The following CDH23 variants were observed in gnomAD, a reference collection of about 807,000 sequenced individuals.
CDH23 encodes cadherin related 23.
Under a neutral mutation model 317.1 loss-of-function variants are expected in CDH23, and 189 were observed. That is an observed-to-expected ratio of 0.60 (90% confidence interval 0.53 to 0.67). CDH23 has a LOEUF of 0.67. CDH23 is among the 30% of genes least tolerant of loss of function. The probability of loss-of-function intolerance (pLI) is 0.00; values close to 1 mark genes in which losing one functional copy is unlikely to be tolerated. For missense variants in CDH23, 4,401 were observed against 4,592.4 expected (o/e 0.96, Z 1.20); for synonymous variants, 1,839 against 1,876.8 (o/e 0.98, Z 0.52).
At chr10:71,427,280 G>A (rs1462856554) in intron 1 of CDH23, among the ~76,000 whole-genome samples, 1 of 140,992 alleles carries the variant, frequency 7.1e-6, no homozygotes, top group Non-Finnish European at 1.5e-5. Flanking sequence ...AAAGAAGAAA[G>A]CAAGCAAGCC....
chr10:71,402,356 T>G (rs945712889), intron 1 of CDH23, among the ~76,000 whole-genome samples: 1 of 152,340 alleles, frequency 6.6e-6, no homozygotes, highest in Admixed American at 6.5e-5. Flanking sequence ...TCATAATGCA[T>G]TCACTTCGTG....
At chr10:71,713,940 A>G (rs192688703) in intron 28 of CDH23, 55 of 153,118 alleles carry the variant, frequency 3.6e-4, no homozygotes, top group African/African-American at 1.3e-3. Context: ...GGAGGAAGGA[A>G]CAAAACCCTT....
chr10:71,682,090 T>C (rs1227096), intron 17 of CDH23, among the ~76,000 whole-genome samples: 47,615 of 151,968 alleles, frequency 0.31, 8,044 homozygotes, highest in South Asian at 0.45. Context: ...GAGCACCTAC[T>C]AAGAAAGAGC....
chr10:71,722,128 A>G (rs1866585920), intron 28 of CDH23, among the ~76,000 whole-genome samples: 1 of 152,198 alleles, frequency 6.6e-6, no homozygotes, highest in African/African-American at 2.4e-5. Context: ...GGTGGCAAGA[A>G]AGAAAATCCA....
At chr10:71,774,838 C>A (rs1175120241) in intron 38 of CDH23, among the ~76,000 whole-genome samples, 1 of 152,172 alleles carries the variant, frequency 6.6e-6, no homozygotes, top group East Asian at 1.9e-4. Context: ...GGGTCAGGAA[C>A]CAGGGTATCA....
At chr10:71,501,008 C>T (rs149186614) in intron 3 of CDH23, among the ~76,000 whole-genome samples, 7 of 152,160 alleles carry the variant, frequency 4.6e-5, no homozygotes, top group African/African-American at 1.7e-4. Flanking sequence ...GCTGGGATTA[C>T]AGGCCTGTGA....
chr10:71,399,056 A>G (rs1847666594), intron 1 of CDH23, among the ~76,000 whole-genome samples: 1 of 152,198 alleles, frequency 6.6e-6, no homozygotes, highest in African/African-American at 2.4e-5. Flanking sequence ...CCTCTGGAAT[A>G]GCTCCCCCAC....
intron 3 of CDH23, chr10:71,509,836 C>G: frequency 1.9e-6 from 1 of 535,570 alleles, no homozygotes; most frequent in South Asian, 2.3e-5. Flanking sequence ...CTTTTACACA[C>G]TCAGAACATG....
At chr10:71,806,657 G>A (rs1274693060) in intron 57 of CDH23, among the ~76,000 whole-genome samples, 8 of 150,080 alleles carry the variant, frequency 5.3e-5, no homozygotes, top group Non-Finnish European at 4.4e-5. Context: ...TTGACTCACT[G>A]CAACCTCCAC....
intron 6 of CDH23, among the ~76,000 whole-genome samples, chr10:71,534,128 C>T (rs139249477): frequency 1.1e-3 from 163 of 152,316 alleles, no homozygotes; most frequent in Non-Finnish European, 1.9e-3. Context: ...CTTGTCCCCA[C>T]CCTGGATACA....
chr10:71,482,728 C>G (rs757648894), intron 3 of CDH23, among the ~76,000 whole-genome samples: 2 of 152,154 alleles, frequency 1.3e-5, no homozygotes, highest in Non-Finnish European at 2.9e-5. Flanking sequence ...AAGCCGAGTG[C>G]GAATGGAGAC....
intron 33 of CDH23, 47 bp downstream of exon 33, chr10:71,734,388 G>A (rs1343082087): frequency 6.4e-7 from 1 of 1,556,964 alleles, no homozygotes; most frequent in African/African-American, 1.4e-5. Context: ...CCCATCGCTG[G>A]CCATGACACT....
intron 8 of CDH23, among the ~76,000 whole-genome samples, chr10:71,571,349 C>T (rs1014402812): frequency 1.3e-5 from 2 of 152,218 alleles, no homozygotes; most frequent in Admixed American, 1.3e-4. Flanking sequence ...TGGCAGCTGC[C>T]CTTCTTCAAG....
rs370947344 is a variant in CDH23 at position 71,566,758 on chromosome 10, C to T, written c.446C>T (p.Thr149Met). 3.6e-5 allele frequency: 58 copies of T among 1,605,896 alleles called. No homozygotes were observed. Among genetic ancestry groups the T allele is most frequent in the East Asian group, 2.0e-4 (9 of 44,742 alleles). ...CATCCCCAGAATACACCAGTGGGGA[C>T]GCCCATCTTCATCGTGAATGCCACA... Reference protein sequence around the residue: ...VRIPENTPVGTPIFIVNATDP... With the variant: ...VRIPENTPVGMPIFIVNATDP... Residue 149 changes from threonine (T) to methionine (M), a missense_variant, in exon 7 of 70, where the codon ACG (threonine) becomes ATG (methionine). This residue lies in a region of CDH23 where 3,068 missense variants were observed against 3,203.3 expected (regional missense o/e 0.96). Transcript: ENST00000224721.
At chr10:71,461,419 T>C (rs1050089275) in intron 3 of CDH23, among the ~76,000 whole-genome samples, 1 of 152,222 alleles carries the variant, frequency 6.6e-6, no homozygotes, top group African/African-American at 2.4e-5. Context: ...GTGACAGCCT[T>C]AGGCTGGGGA....
At position 71,799,276 on chromosome 10, in the gene CDH23, A is replaced by G. The variant is rs763148706; in HGVS notation, c.7220A>G (p.Tyr2407Cys). 6.2e-7 allele frequency: 1 copy of G among 1,613,970 alleles called. No individual in the cohort carries two copies. The highest frequency in any genetic ancestry group is 8.5e-7 in the Non-Finnish European group (1 of 1,179,848). ...AACCCCATCTTTGACCAGCCCTCCTACCAGGTGGGTGGCCAGGCCACAGGC... is the reference window on the plus strand; with the variant it reads ...AACCCCATCTTTGACCAGCCCTCCTGCCAGGTGGGTGGCCAGGCCACAGGC... ...DNNPIFDQPSYQEAVFEDVPV... is the reference protein window; with the variant it reads ...DNNPIFDQPSCQEAVFEDVPV... The change falls in exon 51 of 70, where the codon TAC becomes TGC. Residue 2407 changes from tyrosine (Y) to cysteine (C), a missense_variant. Around this residue, in one of 3 missense-constraint regions of CDH23, gnomAD observed 189 missense variants for 250.9 expected, o/e 0.75. Transcript: ENST00000224721.
chr10:71,421,550 C>T (rs1848817805), intron 1 of CDH23, among the ~76,000 whole-genome samples: 1 of 151,896 alleles, frequency 6.6e-6, no homozygotes, highest in African/African-American at 2.4e-5. Flanking sequence ...AAATACAAAA[C>T]TCATTAGATT....
chr10:71,633,915 T>G (rs1190513918), intron 11 of CDH23, among the ~76,000 whole-genome samples: 1 of 152,170 alleles, frequency 6.6e-6, no homozygotes, highest in Non-Finnish European at 1.5e-5. Context: ...GCAGACTCAC[T>G]CTTGGAGGAG....
At position 71,631,991 on chromosome 10, in the gene CDH23, C is replaced by A. The variant is rs547270771; in HGVS notation, c.1135-11870C>A. On this transcript the variant is annotated intron_variant, in intron 11 of 69. Transcript: ENST00000224721. ...GGTGGCTGGGGGTGGGAGAGGAGTC[C>A]CTGTAAAGAGACGGGACAAAGAAGT... 2.0e-5 allele frequency among the ~76,000 whole-genome samples: 3 copies of A among 152,194 alleles called. No homozygotes were observed. In the East Asian group the frequency reaches 5.8e-4, roughly 29 times the overall value.
Sources: allele counts gnomAD v4.1 joint callset (sites outside exome capture counted in the v4.1 genomes callset), GRCh38; gene constraint gnomAD v4.1.1; regional missense constraint gnomAD v4.1.1; transcripts MANE v1.5; gene names NCBI Gene and HGNC (gene_info 2026-07-23, HGNC 2026-07-21).